KLRG1: variants seen among roughly 807,000 people sequenced by gnomAD.
The protein encoded by KLRG1 is killer cell lectin-like receptor subfamily G member 1.
KLRG1 carries 16 observed loss-of-function variants against 21.8 expected under a neutral mutation model. That is an observed-to-expected ratio of 0.73 (90% CI 0.50 to 1.11). The LOEUF is 1.11. Among genes scored for constraint, KLRG1 ranks in the 50% most tolerant of loss-of-function variants. The probability of loss-of-function intolerance (pLI) is 0.00; values close to 1 mark genes in which losing one functional copy is unlikely to be tolerated. For missense variants in KLRG1, 173 were observed against 218.3 expected (o/e 0.79, Z 1.31); for synonymous variants, 69 against 75.9 (o/e 0.91, Z 0.47).
chr12:9,172,569 A>G, the KLRG1 span, among the ~76,000 whole-genome samples: 2 of 152,210 alleles, frequency 1.3e-5, no homozygotes, highest in African/African-American at 4.8e-5. Flanking sequence ...ACCCATCATC[A>G]GTATGCTATC....
the KLRG1 span, among the ~76,000 whole-genome samples, chr12:9,126,145 T>C: frequency 6.6e-6 from 1 of 152,208 alleles, no homozygotes; most frequent in South Asian, 2.1e-4. Context: ...ATAACTCAAC[T>C]GTTAGGAGCA....
At chr12:9,194,517 T>C in the KLRG1 span, among the ~76,000 whole-genome samples, 1 of 138,694 alleles carries the variant, frequency 7.2e-6, no homozygotes, top group Admixed American at 8.1e-5. Flanking sequence ...CAGGCTGGAG[T>C]GCAGTGGCGC....
At chr12:9,150,811 C>T in the KLRG1 span, 1 of 998,530 alleles carries the variant, frequency 1.0e-6, no homozygotes, top group Non-Finnish European at 1.6e-6. Flanking sequence ...ATGAGCAAAA[C>T]ATATTCTTAT....
Position 9,009,693 on chromosome 12 carries a change from A to G in KLRG1, c.*156A>G. 1 of 1,430,220 alleles carries G rather than the reference A, an allele frequency of 7.0e-7. No individual in the cohort carries two copies. Among genetic ancestry groups the G allele is most frequent in the South Asian group, 1.5e-5 (1 of 65,464 alleles). The allele number at this position is 1,430,220 out of a possible 1,614,324, so 88.6% of individuals were successfully genotyped here. ...ATGCAAGACAACCTCCTAGGGATTG[A>G]TGCCTAACTGATGGATTCTCTTTGA... On this transcript the variant is annotated 3_prime_UTR_variant, in exon 5 of 5. Transcript: ENST00000356986.
At chr12:9,158,297 G>T in the KLRG1 span, 1 of 1,373,778 alleles carries the variant, frequency 7.3e-7, no homozygotes, top group Non-Finnish European at 1.0e-6. Context: ...CTCTTTCCCT[G>T]ATGCCATCCC....
the KLRG1 span, among the ~76,000 whole-genome samples, chr12:9,108,435 T>G: frequency 6.6e-6 from 1 of 152,220 alleles, no homozygotes; most frequent in Non-Finnish European, 1.5e-5. Flanking sequence ...CTGTTTACTT[T>G]TTTACAAAAG....
chr12:8,980,913 C>T (rs981065522), intron 1 of KLRG1, among the ~76,000 whole-genome samples: 1 of 152,168 alleles, frequency 6.6e-6, no homozygotes, highest in African/African-American at 2.4e-5. Flanking sequence ...GTGAGGAAGT[C>T]ACAGCTGATG....
At chr12:9,208,393 C>T in the KLRG1 span, 1 of 1,466,154 alleles carries the variant, frequency 6.8e-7, no homozygotes, top group Non-Finnish European at 9.5e-7. Flanking sequence ...TCAGCCTCGC[C>T]CTGGAGACCA....
chr12:9,124,482 C>G, the KLRG1 span, among the ~76,000 whole-genome samples: 1 of 152,238 alleles, frequency 6.6e-6, no homozygotes. Flanking sequence ...CGTGCGGCTG[C>G]AGCACCCCGA....
At chr12:9,003,180 T>C (rs1256395991) in intron 3 of KLRG1, among the ~76,000 whole-genome samples, 2 of 152,188 alleles carry the variant, frequency 1.3e-5, no homozygotes, top group African/African-American at 4.8e-5. Context: ...ATCCTAGCTC[T>C]GCAGATTCTA....
chr12:9,180,425 G>C, the KLRG1 span, among the ~76,000 whole-genome samples: 1 of 152,102 alleles, frequency 6.6e-6, no homozygotes, highest in Non-Finnish European at 1.5e-5. Flanking sequence ...GTAACCAAAA[G>C]AGCATGGTAC....
At chr12:9,031,297 C>G in the KLRG1 span, among the ~76,000 whole-genome samples, 1 of 152,150 alleles carries the variant, frequency 6.6e-6, no homozygotes, top group Admixed American at 6.5e-5. Context: ...ATAGAGAATT[C>G]CCTTTAGAAT....
At chr12:9,199,801 G>A in the KLRG1 span, among the ~76,000 whole-genome samples, 2 of 152,148 alleles carry the variant, frequency 1.3e-5, no homozygotes, top group African/African-American at 4.8e-5. Context: ...AAAAATAGGT[G>A]ATAGGTACAT....
chr12:9,199,518 A>T, the KLRG1 span, among the ~76,000 whole-genome samples: 1 of 152,202 alleles, frequency 6.6e-6, no homozygotes, highest in East Asian at 1.9e-4. Context: ...AATGTAAAAC[A>T]TTCAATGTAT....
chr12:9,076,688 G>A, the KLRG1 span: 1 of 1,510,330 alleles, frequency 6.6e-7, no homozygotes, highest in Non-Finnish European at 9.2e-7. Flanking sequence ...GTAGGAGTGA[G>A]GGATTTTTGC....
At chr12:9,094,678 TTGAA>T in the KLRG1 span, among the ~76,000 whole-genome samples, 1 of 152,092 alleles carries the variant, frequency 6.6e-6, no homozygotes, top group African/African-American at 2.4e-5. Flanking sequence ...TTTGGGGAAG[TTGAA>T]CAGCTTTTTT....
At chr12:9,114,213 A>G in the KLRG1 span, among the ~76,000 whole-genome samples, 1 of 152,184 alleles carries the variant, frequency 6.6e-6, no homozygotes, top group Non-Finnish European at 1.5e-5. Flanking sequence ...CTGGTGATTG[A>G]CTTTAGACCT....
the KLRG1 span, among the ~76,000 whole-genome samples, chr12:9,103,830 A>G: frequency 2.0e-5 from 3 of 152,206 alleles, no homozygotes; most frequent in African/African-American, 7.2e-5. Flanking sequence ...ACATTTGGGT[A>G]GCCTCGATCT....
chr12:9,118,229 C>T, the KLRG1 span, among the ~76,000 whole-genome samples: 11 of 152,182 alleles, frequency 7.2e-5, no homozygotes, highest in African/African-American at 1.7e-4. Flanking sequence ...ATAGAACTCC[C>T]GATCCTTTGC....
Sources: gnomAD v4.1 joint callset for allele counts (sites outside exome capture counted in the v4.1 genomes callset) on GRCh38, gnomAD v4.1.1 for gene constraint, MANE v1.5 for transcripts, NCBI Gene and HGNC (gene_info 2026-07-23, HGNC 2026-07-21) for gene names.